Variants in AASDHPPT observed in about 807,000 individuals in gnomAD.
AASDHPPT encodes L-aminoadipate-semialdehyde dehydrogenase-phosphopantetheinyl transferase.
AASDHPPT carries 23 observed loss-of-function variants against 36.4 expected under a neutral mutation model. The observed-to-expected ratio is 0.63, with a 90% CI of 0.45 to 0.89. The LOEUF is 0.89. AASDHPPT is among the 40% of genes least tolerant of loss of function. The probability of loss-of-function intolerance (pLI) is 0.00; values close to 1 mark genes in which losing one functional copy is unlikely to be tolerated. For missense variants in AASDHPPT, 377 were observed against 378.2 expected, an observed-to-expected ratio of 1.00 and a Z score of 0.03; for synonymous variants, 115 against 128.0, an observed-to-expected ratio of 0.90 and a Z score of 0.68.
intron 3 of AASDHPPT, 65 bp from the exon 4 acceptor site, chr11:106,091,251 C>A: frequency 1.4e-6 from 2 of 1,417,884 alleles, no homozygotes; most frequent in Non-Finnish European, 1.9e-6. Flanking sequence ...TCTTTTGGAC[C>A]TGTAGATTCT....
chr11:106,094,584 A>G lies in AASDHPPT; in HGVS notation c.695A>G (p.Glu232Gly). The change falls in exon 5 of 6, where the codon GAA (glutamate) becomes GGA (glycine). Residue 232 changes from glutamate to glycine, a missense_variant and splice_region_variant. Glu to Gly is a moderately conservative substitution (Grantham distance 98). Coordinates refer to ENST00000278618, the MANE Select transcript of AASDHPPT (RefSeq NM_015423.3). ...ATTTATTTACCTTTTATCTTTCAGGAAAGCAAAATAGATGAGCACCATTTT... is the reference window on the plus strand; with the variant it reads ...ATTTATTTACCTTTTATCTTTCAGGGAAGCAAAATAGATGAGCACCATTTT... Reference protein sequence around the residue: ...GEEEKEWAFEESKIDEHHFVA... With the variant: ...GEEEKEWAFEGSKIDEHHFVA... 6.2e-7 allele frequency: 1 copy of G among 1,602,712 alleles called. No homozygotes were observed. Among genetic ancestry groups the G allele is most frequent in the Non-Finnish European group, 8.5e-7 (1 of 1,175,032 alleles).
intron 1 of AASDHPPT, among the ~76,000 whole-genome samples, chr11:106,078,755 A>G (rs961557797): frequency 3.3e-5 from 5 of 152,226 alleles, no homozygotes; most frequent in African/African-American, 7.2e-5. Context: ...GAAGAAAAAA[A>G]CCTGAAAGAT....
intron 2 of AASDHPPT, among the ~76,000 whole-genome samples, chr11:106,085,673 C>G (rs1861190431): frequency 6.6e-6 from 1 of 152,168 alleles, no homozygotes. Context: ...AAACAGTTGA[C>G]AAAAGAAGAT....
intron 2 of AASDHPPT, among the ~76,000 whole-genome samples, chr11:106,083,558 C>T (rs939273778): frequency 3.3e-5 from 5 of 152,142 alleles, no homozygotes; most frequent in Middle Eastern, 3.4e-3. Context: ...AGGGTCTTGC[C>T]TTACCAGTTT....
intron 2 of AASDHPPT, among the ~76,000 whole-genome samples, chr11:106,081,031 TAAA>T (rs1169815046): frequency 2.6e-5 from 4 of 152,236 alleles, no homozygotes; most frequent in Non-Finnish European, 4.4e-5. Flanking sequence ...TCCTGATACT[TAAA>T]AGCTGTGTGA....
Position 106,079,584 on chromosome 11 carries a change from C to T in AASDHPPT, c.301C>T (p.Pro101Ser), listed in dbSNP as rs1487527396. 6.2e-7 allele frequency: 1 copy of T among 1,614,164 alleles called. No homozygotes were observed. The highest frequency in any genetic ancestry group is 8.5e-7 in the Non-Finnish European group (1 of 1,180,012). Residue 101 changes from proline (P) to serine (S), a missense_variant, in exon 2 of 6, where the codon CCT becomes TCT. Transcript: ENST00000278618. ...AGTTCTTGCAAAGGACTCATCGAAT[C>T]CTTACCCGAATTTCAACTTTAACAT... The part of the protein sequence containing the change: ...KPVLAKDSSN[P>S]YPNFNFNISH...
At chr11:106,088,423 G>GTTTCAC (rs2135041485) in intron 2 of AASDHPPT, among the ~76,000 whole-genome samples, 1 of 152,148 alleles carries the variant, frequency 6.6e-6, no homozygotes, top group South Asian at 2.1e-4. Flanking sequence ...TAAAACTACA[G>GTTTCAC]TTTCACTCAA....
chr11:106,096,333 G>T (rs1292273834), intron 5 of AASDHPPT, among the ~76,000 whole-genome samples: 1 of 152,142 alleles, frequency 6.6e-6, no homozygotes, highest in Non-Finnish European at 1.5e-5. Context: ...AGTTATGGCA[G>T]TTTTATCAGA....
rs1323116302 is a variant in AASDHPPT, at chr11:106,098,633, T to C, written c.*1726T>C. ...ATTGTTATCCCTAGCATGAGTGTAA[T>C]GGTGATATGAAAAACTTTGTCTTGT... On this transcript the variant is annotated 3_prime_UTR_variant, in exon 6 of 6. Transcript: ENST00000278618. 2 of 152,018 alleles carry C rather than the reference T, an allele frequency of 1.3e-5. No individual in the cohort carries two copies. Among genetic ancestry groups the C allele is most frequent in the African/African-American group, 2.4e-5 (1 of 41,422 alleles). 9.4% of individuals were successfully genotyped at this position (152,018 alleles called of 1,614,324 possible). A position where few individuals can be genotyped will look rare whatever the true frequency, so the allele number is the denominator to read the frequency against.
chr11:106,094,745 CAGTTT>C, intron 5 of AASDHPPT, 91 bp downstream of exon 5: 1 of 948,116 alleles, frequency 1.1e-6, no homozygotes, highest in African/African-American at 1.7e-5. Context: ...TGCCTTATAT[CAGTTT>C]AGAGAGATTT....
At chr11:106,091,219 A>G in intron 3 of AASDHPPT, 97 bp from the exon 4 acceptor site, 2 of 998,734 alleles carry the variant, frequency 2.0e-6, no homozygotes, top group Non-Finnish European at 3.0e-6. Context: ...GCCATAATGT[A>G]GTATAGCATT....
chr11:106,090,727 A>G, intron 3 of AASDHPPT, 49 bp downstream of exon 3: 1 of 1,550,114 alleles, frequency 6.5e-7, no homozygotes, highest in Non-Finnish European at 8.6e-7. Flanking sequence ...TGATTCCATT[A>G]TCTTCACTTA....
chr11:106,096,370 A>G (rs1591546512), intron 5 of AASDHPPT, among the ~76,000 whole-genome samples: 1 of 152,268 alleles, frequency 6.6e-6, no homozygotes, highest in East Asian at 1.9e-4. Flanking sequence ...GTATTTCACA[A>G]AAGTTCACTT....
Position 106,079,605 on chromosome 11 carries a change from A to G in AASDHPPT, c.322A>G (p.Asn108Asp), listed in dbSNP as rs1347809746. 1.9e-6 allele frequency: 3 copies of G among 1,614,096 alleles called. No homozygotes were observed. In the African/African-American group the frequency reaches 4.0e-5, roughly 22 times the overall value. ...SSNPYPNFNFNISHQGDYAVL... is the reference protein window; with the variant it reads ...SSNPYPNFNFDISHQGDYAVL... Reference sequence around the variant, plus strand: ...GAATCCTTACCCGAATTTCAACTTTAACATCTCTCATCAAGGAGACTATGC... The same window carrying G: ...GAATCCTTACCCGAATTTCAACTTTGACATCTCTCATCAAGGAGACTATGC... Residue 108 changes from asparagine to aspartate, a missense_variant, in exon 2 of 6, where the codon AAC becomes GAC. Physicochemically the swap from Asn to Asp is conservative, Grantham distance 23. Transcript: ENST00000278618.
chr11:106,079,970 C>A (rs928878926), intron 2 of AASDHPPT, among the ~76,000 whole-genome samples: 1 of 152,110 alleles, frequency 6.6e-6, no homozygotes, highest in Non-Finnish European at 1.5e-5. Context: ...TTGAATTATA[C>A]TTCAATTTAT....
At chr11:106,083,514 A>G (rs932789607) in intron 2 of AASDHPPT, among the ~76,000 whole-genome samples, 1 of 152,226 alleles carries the variant, frequency 6.6e-6, no homozygotes, top group Non-Finnish European at 1.5e-5. Context: ...TTGTTATGGA[A>G]GAACTAATGA....
chr11:106,079,193 A>G (rs1433500244), intron 1 of AASDHPPT, among the ~76,000 whole-genome samples: 2 of 152,234 alleles, frequency 1.3e-5, no homozygotes, highest in Admixed American at 6.5e-5. Context: ...AAAAACATGT[A>G]AATGCACATA....
intron 5 of AASDHPPT, among the ~76,000 whole-genome samples, chr11:106,095,094 C>A (rs1165305647): frequency 6.6e-6 from 1 of 152,086 alleles, no homozygotes; most frequent in African/African-American, 2.4e-5. Flanking sequence ...CCATTGCACT[C>A]CAGCCTGGGA....
In AASDHPPT at chr11:106,079,613, TC is replaced by T; in HGVS notation, c.331del (p.His111IlefsTer20). On this transcript the variant is annotated frameshift_variant, in exon 2 of 6. Coordinates refer to ENST00000278618, the MANE Select transcript of AASDHPPT (RefSeq NM_015423.3). LOFTEE classifies it high-confidence loss of function. ...ACCCGAATTTCAACTTTAACATCTC[TC>T]ATCAAGGAGACTATGCAGTGCTTGC... ...PYPNFNFNIS[H>X]QGDYAVLAAE... 2 of 1,614,194 alleles carry T rather than the reference TC, an allele frequency of 1.2e-6. No individual in the cohort carries two copies. Among genetic ancestry groups the T allele is most frequent in the Non-Finnish European group, 1.7e-6 (2 of 1,180,024 alleles).
Sources: gnomAD v4.1 joint callset for allele counts (sites outside exome capture counted in the v4.1 genomes callset) on GRCh38, gnomAD v4.1.1 for gene constraint, MANE v1.5 for transcripts, NCBI Gene and HGNC (gene_info 2026-07-23, HGNC 2026-07-21) for gene names.